KRTAP6-3: variants seen among roughly 807,000 people sequenced by gnomAD.
The protein encoded by KRTAP6-3 is keratin-associated protein 6-3.
For synonymous variants in KRTAP6-3, 62 were observed against 57.5 expected (o/e 1.08, Z -0.36); for missense variants, 121 against 133.1 (o/e 0.91, Z 0.45).
At position 30,592,440 on chromosome 21, in the gene KRTAP6-3, C is replaced by A; in HGVS notation, c.-6C>A. The A allele has an allele frequency of 6.3e-7, 1 of 1,582,410 alleles. No individual in the cohort carries two copies. The highest frequency in any genetic ancestry group is 8.6e-7 in the Non-Finnish European group (1 of 1,163,842). Reference sequence around the variant, plus strand: ...TGAAGTCACCTACACTCCTTCCTACCCAAGGATGACCTCAACAACCAACAC... The same window carrying A: ...TGAAGTCACCTACACTCCTTCCTACACAAGGATGACCTCAACAACCAACAC... On this transcript the variant is annotated 5_prime_UTR_variant, in exon 1 of 1. Transcript: ENST00000391624.
Position 30,592,607 on chromosome 21 carries a change from G to A in KRTAP6-3, c.162G>A (p.Leu54=), listed in dbSNP as rs1291014799. 9.3e-6 allele frequency: 15 copies of A among 1,609,298 alleles called. No individual in the cohort carries two copies. Among genetic ancestry groups the A allele is most frequent in the Non-Finnish European group, 1.3e-5 (15 of 1,176,910 alleles). ...GCCTGGGCTTTGGCTATGGAGGCCT[G>A]GACTGTGGCTATGGAGGCCTGGGCT... Residue 54 remains leucine (L), a synonymous_variant, in exon 1 of 1, where the codon CTG becomes CTA. Coordinates refer to ENST00000391624, the MANE Select transcript of KRTAP6-3 (RefSeq NM_181605.4).
chr21:30,592,933 C>G lies in KRTAP6-3; in HGVS notation c.*155C>G. The G allele has an allele frequency of 1.4e-6, 2 of 1,388,648 alleles. No homozygotes were observed. The highest frequency in any genetic ancestry group is 1.9e-6 in the Non-Finnish European group (2 of 1,054,524). The allele number at this position is 1,388,648 out of a possible 1,614,324, so 86.0% of individuals were successfully genotyped here. Reference sequence around the variant, plus strand: ...GATCTACCATCTAACCCAAAAATACCCTGAGTTTCCATCATGAAGTGGGAT... The same window carrying G: ...GATCTACCATCTAACCCAAAAATACGCTGAGTTTCCATCATGAAGTGGGAT... On this transcript the variant is annotated 3_prime_UTR_variant, in exon 1 of 1. Coordinates refer to ENST00000391624, the MANE Select transcript of KRTAP6-3 (RefSeq NM_181605.4).
Position 30,592,678 on chromosome 21 carries a change from G to T in KRTAP6-3, c.233G>T (p.Cys78Phe), listed in dbSNP as rs1227301098. The change falls in exon 1 of 1, where the codon TGT (cysteine) becomes TTT (phenylalanine). Residue 78 changes from cysteine to phenylalanine, a missense_variant. Coordinates refer to ENST00000391624, the MANE Select transcript of KRTAP6-3 (RefSeq NM_181605.4). ...GGCTGTGGCTACAGAGGCCTGGACT[G>T]TGGCTATGGCTGTGGCTATGGCTAT... is the stretch of plus-strand genomic sequence containing the variant. 3.7e-6 allele frequency: 6 copies of T among 1,613,798 alleles called. No homozygotes were observed. Among genetic ancestry groups the T allele is most frequent in the Non-Finnish European group, 5.1e-6 (6 of 1,179,824 alleles).
At position 30,592,921 on chromosome 21, in the gene KRTAP6-3, A is replaced by T; in HGVS notation, c.*143A>T. The T allele has an allele frequency of 7.1e-7, 1 of 1,402,676 alleles. No homozygotes were observed. The highest frequency in any genetic ancestry group is 9.4e-7 in the Non-Finnish European group (1 of 1,066,324). 86.9% of individuals were successfully genotyped at this position (1,402,676 alleles called of 1,614,324 possible). On this transcript the variant is annotated 3_prime_UTR_variant, in exon 1 of 1. Coordinates refer to ENST00000391624, the MANE Select transcript of KRTAP6-3 (RefSeq NM_181605.4). ...TGATCTGTTGTTGATCTACCATCTA[A>T]CCCAAAAATACCCTGAGTTTCCATC...
rs867876654 is a variant in KRTAP6-3 at position 30,592,618 on chromosome 21, A to C, written c.173A>C (p.Tyr58Ser). 14 of 1,603,702 alleles carry C rather than the reference A, an allele frequency of 8.7e-6. No homozygotes were observed. In the Admixed American group the frequency reaches 2.2e-4, roughly 25 times the overall value. ...GGCTATGGAGGCCTGGACTGTGGCTATGGAGGCCTGGGCTGTGGCTATGGC... is the reference window on the plus strand; with the variant it reads ...GGCTATGGAGGCCTGGACTGTGGCTCTGGAGGCCTGGGCTGTGGCTATGGC... The change falls in exon 1 of 1, where the codon TAT (tyrosine) becomes TCT (serine). Residue 58 changes from tyrosine to serine, a missense_variant. By Grantham distance (144) the Tyr-to-Ser change is moderately radical. Coordinates refer to ENST00000391624, the MANE Select transcript of KRTAP6-3 (RefSeq NM_181605.4).
chr21:30,592,821 A>C lies in KRTAP6-3; in HGVS notation c.*43A>C. ...CTCACCCTCTATCCTGTGACATTGC[A>C]ATTCACCAATTCTGAAGCCCACATG... On this transcript the variant is annotated 3_prime_UTR_variant, in exon 1 of 1. Transcript: ENST00000391624. 1 of 1,503,360 alleles carries C rather than the reference A, an allele frequency of 6.7e-7. No individual in the cohort carries two copies. The allele number at this position is 1,503,360 out of a possible 1,614,324, so 93.1% of individuals were successfully genotyped here.
chr21:30,592,788 G>C lies in KRTAP6-3; in HGVS notation c.*10G>C. 1.3e-6 allele frequency: 2 copies of C among 1,577,516 alleles called. No individual in the cohort carries two copies. Among genetic ancestry groups the C allele is most frequent in the Non-Finnish European group, 1.7e-6 (2 of 1,160,048 alleles). ...TGGCTACTACTATTGAGGACACCAT[G>C]GGAGACTCTCACCCTCTATCCTGTG... On this transcript the variant is annotated 3_prime_UTR_variant, in exon 1 of 1. Coordinates refer to ENST00000391624, the MANE Select transcript of KRTAP6-3 (RefSeq NM_181605.4).
Position 30,593,005 on chromosome 21 carries a change from T to A in KRTAP6-3, c.*227T>A. 3 of 778,706 alleles carry A rather than the reference T, an allele frequency of 3.9e-6. No individual in the cohort carries two copies. The highest frequency in any genetic ancestry group is 5.7e-6 in the Non-Finnish European group (3 of 527,414). The allele number at this position is 778,706 out of a possible 1,614,324, so 48.2% of individuals were successfully genotyped here. A position where few individuals can be genotyped will look rare whatever the true frequency, so the allele number is the denominator to read the frequency against. ...TTCTCCTTTTATCAGGATGATGGTGTCACAGTGACTCCTTTGATGACTTTC... is the reference window on the plus strand; with the variant it reads ...TTCTCCTTTTATCAGGATGATGGTGACACAGTGACTCCTTTGATGACTTTC... On this transcript the variant is annotated 3_prime_UTR_variant, in exon 1 of 1. Transcript: ENST00000391624.
rs1049883055 is a variant in KRTAP6-3 at position 30,593,002 on chromosome 21, G to A, written c.*224G>A. 1 of 835,456 alleles carries A rather than the reference G, an allele frequency of 1.2e-6. No homozygotes were observed. The highest frequency in any genetic ancestry group is 1.7e-5 in the African/African-American group (1 of 58,626). The allele number at this position is 835,456 out of a possible 1,614,324, so 51.8% of individuals were successfully genotyped here. A position where few individuals can be genotyped will look rare whatever the true frequency, so the allele number is the denominator to read the frequency against. ...CACTTCTCCTTTTATCAGGATGATG[G>A]TGTCACAGTGACTCCTTTGATGACT... On this transcript the variant is annotated 3_prime_UTR_variant, in exon 1 of 1. Transcript: ENST00000391624.
In KRTAP6-3 at chr21:30,592,619, T is replaced by C. The variant is rs1980070082; in HGVS notation, c.174T>C (p.Tyr58=). The C allele has an allele frequency of 1.2e-6, 2 of 1,603,462 alleles. No homozygotes were observed. Among genetic ancestry groups the C allele is most frequent in the Admixed American group, 1.7e-5 (1 of 59,580 alleles). The change falls in exon 1 of 1, where the codon TAT becomes TAC. Residue 58 remains tyrosine, a synonymous_variant. Transcript: ENST00000391624. ...GCTATGGAGGCCTGGACTGTGGCTATGGAGGCCTGGGCTGTGGCTATGGCT... is the reference window on the plus strand; with the variant it reads ...GCTATGGAGGCCTGGACTGTGGCTACGGAGGCCTGGGCTGTGGCTATGGCT...
chr21:30,592,441 C>G lies in KRTAP6-3; in HGVS notation c.-5C>G. On this transcript the variant is annotated 5_prime_UTR_variant, in exon 1 of 1. Transcript: ENST00000391624. ...GAAGTCACCTACACTCCTTCCTACC[C>G]AAGGATGACCTCAACAACCAACACC... The G allele has an allele frequency of 6.3e-7, 1 of 1,583,186 alleles. No individual in the cohort carries two copies.
chr21:30,592,962 G>T lies in KRTAP6-3; in HGVS notation c.*184G>T. The T allele has an allele frequency of 1.6e-6, 2 of 1,258,760 alleles. No homozygotes were observed. The highest frequency in any genetic ancestry group is 2.1e-6 in the Non-Finnish European group (2 of 941,718). The allele number at this position is 1,258,760 out of a possible 1,614,324, so 78.0% of individuals were successfully genotyped here. On this transcript the variant is annotated 3_prime_UTR_variant, in exon 1 of 1. Transcript: ENST00000391624. ...AGTTTCCATCATGAAGTGGGATAAG[G>T]TGAAGTTCACCTGTCACTTCTCCTT...
chr21:30,593,000 T>G lies in KRTAP6-3; in HGVS notation c.*222T>G, dbSNP rs1432184278. 5 of 902,254 alleles carry G rather than the reference T, an allele frequency of 5.5e-6. No individual in the cohort carries two copies. The highest frequency in any genetic ancestry group is 6.3e-6 in the Non-Finnish European group (4 of 630,850). 55.9% of individuals were successfully genotyped at this position (902,254 alleles called of 1,614,324 possible). ...GTCACTTCTCCTTTTATCAGGATGA[T>G]GGTGTCACAGTGACTCCTTTGATGA... On this transcript the variant is annotated 3_prime_UTR_variant, in exon 1 of 1. Transcript: ENST00000391624.
In KRTAP6-3 at chr21:30,592,932, C is replaced by A; in HGVS notation, c.*154C>A. 3.6e-6 allele frequency: 5 copies of A among 1,387,856 alleles called. No individual in the cohort carries two copies. The highest frequency in any genetic ancestry group is 3.0e-5 in the Admixed American group (1 of 33,788). 86.0% of individuals were successfully genotyped at this position (1,387,856 alleles called of 1,614,324 possible). ...TGATCTACCATCTAACCCAAAAATA[C>A]CCTGAGTTTCCATCATGAAGTGGGA... On this transcript the variant is annotated 3_prime_UTR_variant, in exon 1 of 1. Transcript: ENST00000391624.
chr21:30,593,021 G>C lies in KRTAP6-3; in HGVS notation c.*243G>C. ...ATGATGGTGTCACAGTGACTCCTTT[G>C]ATGACTTTCATGCTGTAGTTTGTTT... is the stretch of plus-strand genomic sequence containing the variant. On this transcript the variant is annotated 3_prime_UTR_variant, in exon 1 of 1. Coordinates refer to ENST00000391624, the MANE Select transcript of KRTAP6-3 (RefSeq NM_181605.4). The C allele has an allele frequency of 3.1e-6, 2 of 646,608 alleles. No homozygotes were observed. The highest frequency in any genetic ancestry group is 4.8e-6 in the Non-Finnish European group (2 of 418,346). 40.1% of individuals were successfully genotyped at this position (646,608 alleles called of 1,614,324 possible).
At position 30,592,890 on chromosome 21, in the gene KRTAP6-3, C is replaced by G. The variant is rs1204526974; in HGVS notation, c.*112C>G. ...ATTGATGATATCCTGCAGTGGAAGT[C>G]TAATATGATCTGTTGTTGATCTACC... On this transcript the variant is annotated 3_prime_UTR_variant, in exon 1 of 1. Transcript: ENST00000391624. 7 of 1,445,106 alleles carry G rather than the reference C, an allele frequency of 4.8e-6. No homozygotes were observed. In the African/African-American group the frequency reaches 1.0e-4, roughly 21 times the overall value. 89.5% of individuals were successfully genotyped at this position (1,445,106 alleles called of 1,614,324 possible).
Position 30,592,986 on chromosome 21 carries a change from T to C in KRTAP6-3, c.*208T>C. The C allele has an allele frequency of 9.9e-7, 1 of 1,010,526 alleles. No individual in the cohort carries two copies. Among genetic ancestry groups the C allele is most frequent in the Admixed American group, 3.2e-5 (1 of 31,420 alleles). The allele number at this position is 1,010,526 out of a possible 1,614,324, so 62.6% of individuals were successfully genotyped here. A position where few individuals can be genotyped will look rare whatever the true frequency, so the allele number is the denominator to read the frequency against. ...GGTGAAGTTCACCTGTCACTTCTCC[T>C]TTTATCAGGATGATGGTGTCACAGT... On this transcript the variant is annotated 3_prime_UTR_variant, in exon 1 of 1. Transcript: ENST00000391624.
Position 30,592,467 on chromosome 21 carries a change from A to T in KRTAP6-3, c.22A>T (p.Met8Leu). 1 of 1,605,938 alleles carries T rather than the reference A, an allele frequency of 6.2e-7. No individual in the cohort carries two copies. The highest frequency in any genetic ancestry group is 1.3e-5 in the African/African-American group (1 of 74,912). The change falls in exon 1 of 1, where the codon ATG becomes TTG. Residue 8 changes from methionine (M) to leucine (L), a missense_variant. By Grantham distance (15) the Met-to-Leu change is conservative. Transcript: ENST00000391624. ...AAGGATGACCTCAACAACCAACACC[A>T]TGTGTGGCAGCTACTACAGAAACTA...
rs1197336278 is a variant in KRTAP6-3, at chr21:30,592,786, A to G, written c.*8A>G. 5 of 1,579,226 alleles carry G rather than the reference A, an allele frequency of 3.2e-6. No homozygotes were observed. The highest frequency in any genetic ancestry group is 1.7e-4 in the Middle Eastern group (1 of 5,952). ...TTTGGCTACTACTATTGAGGACACC[A>G]TGGGAGACTCTCACCCTCTATCCTG... is the stretch of plus-strand genomic sequence containing the variant. On this transcript the variant is annotated 3_prime_UTR_variant, in exon 1 of 1. Coordinates refer to ENST00000391624, the MANE Select transcript of KRTAP6-3 (RefSeq NM_181605.4).
Sources: gnomAD v4.1 joint callset for allele counts on GRCh38, gnomAD v4.1.1 for gene constraint, MANE v1.5 for transcripts, NCBI Gene and HGNC (gene_info 2026-07-23, HGNC 2026-07-21) for gene names.